The following ZNF736 variants were observed in gnomAD, a reference collection of about 807,000 sequenced individuals.
The protein encoded by ZNF736 is zinc finger protein 736, also known as KRAB-containing zinc-finger repressor protein.
ZNF736 carries 6 observed loss-of-function variants against 11.7 expected under a neutral mutation model. The ratio of observed to expected loss-of-function variants is 0.51; its 90% confidence interval spans 0.28 to 1.01. The LOEUF (loss-of-function observed/expected upper bound fraction) is 1.01, where lower values mean the gene tolerates loss of function less well. Among genes scored for constraint, ZNF736 ranks in the 50% least tolerant of loss-of-function variants. The pLI is 0.09. For synonymous variants in ZNF736, 139 were observed against 164.7 expected (o/e 0.84, Z 1.19); for missense variants, 444 against 496.0 (o/e 0.90, Z 1.00).
At chr7:64,340,515 T>C (rs773080584) in intron 3 of ZNF736, among the ~76,000 whole-genome samples, 7 of 152,184 alleles carry the variant, frequency 4.6e-5, no homozygotes, top group Non-Finnish European at 8.8e-5. Context: ...CAAAATGACT[T>C]CAATCAATCT....
At chr7:64,334,689 G>C (rs1458472924) in intron 1 of ZNF736, among the ~76,000 whole-genome samples, 1 of 152,240 alleles carries the variant, frequency 6.6e-6, no homozygotes, top group Non-Finnish European at 1.5e-5. Context: ...CTGTTGGTGG[G>C]AGTGTAAATT....
intron 1 of ZNF736, among the ~76,000 whole-genome samples, chr7:64,317,573 G>T (rs628162): frequency 0.32 from 49,123 of 151,902 alleles, 9,370 homozygotes; most frequent in South Asian, 0.47. Flanking sequence ...ACAGGTACTG[G>T]CCAAGAAAAT....
Position 64,356,024 on chromosome 7 carries a change from T to A in ZNF736, c.*6877T>A. 1 of 180,102 alleles carries A rather than the reference T, an allele frequency of 5.6e-6. No homozygotes were observed. Among genetic ancestry groups the A allele is most frequent in the Non-Finnish European group, 1.2e-5 (1 of 80,518 alleles). The allele number at this position is 180,102 out of a possible 1,614,324, so 11.2% of individuals were successfully genotyped here. A position where few individuals can be genotyped will look rare whatever the true frequency, so the allele number is the denominator to read the frequency against. On this transcript the variant is annotated 3_prime_UTR_variant, in exon 4 of 4. Transcript: ENST00000423484. ...AACCCACCTTCTGCCAGTAGTAAAA[T>A]CCAGTAAGATTGGTATTCTTTTGGA... is the stretch of plus-strand genomic sequence containing the variant.
chr7:64,319,883 A>G (rs1391586765), intron 1 of ZNF736, among the ~76,000 whole-genome samples: 1 of 152,046 alleles, frequency 6.6e-6, no homozygotes, highest in African/African-American at 2.4e-5. Context: ...GAGATGGGGC[A>G]TTTTTGTTTA....
intron 3 of ZNF736, among the ~76,000 whole-genome samples, chr7:64,338,027 T>C (rs1189853646): frequency 2.0e-5 from 3 of 152,162 alleles, no homozygotes; most frequent in South Asian, 4.1e-4. Flanking sequence ...AATGCTAGGA[T>C]TATAGGTATG....
At position 64,349,496 on chromosome 7, in the gene ZNF736, A is replaced by G. The variant is rs1374912423; in HGVS notation, c.*349A>G. 6 of 177,890 alleles carry G rather than the reference A, an allele frequency of 3.4e-5. No individual in the cohort carries two copies. The highest frequency in any genetic ancestry group is 7.1e-5 in the Non-Finnish European group (6 of 84,744). 11.0% of individuals were successfully genotyped at this position (177,890 alleles called of 1,614,324 possible). The stretch of plus-strand genomic sequence containing the variant: ...ATGGGTGTCTTGATTAAAGCATACC[A>G]TTAGATCTTGATTCTTTTTTCAGCT... On this transcript the variant is annotated 3_prime_UTR_variant, in exon 4 of 4. Coordinates refer to ENST00000423484, the MANE Select transcript of ZNF736 (RefSeq NM_001170905.3).
intron 3 of ZNF736, among the ~76,000 whole-genome samples, chr7:64,341,254 A>G (rs1457571531): frequency 1.3e-5 from 2 of 151,494 alleles, no homozygotes; most frequent in Non-Finnish European, 2.9e-5. Context: ...TAATGCAAAG[A>G]TCTTCTTAAG....
At chr7:64,347,880 C>T (rs1158389446) in intron 3 of ZNF736, among the ~76,000 whole-genome samples, 2 of 152,170 alleles carry the variant, frequency 1.3e-5, no homozygotes, top group African/African-American at 4.8e-5. Flanking sequence ...TGGCGTTTTG[C>T]TCACTTGGTG....
At chr7:64,318,344 T>G (rs1788945684) in intron 1 of ZNF736, among the ~76,000 whole-genome samples, 1 of 151,958 alleles carries the variant, frequency 6.6e-6, no homozygotes, top group Non-Finnish European at 1.5e-5. Flanking sequence ...CGAGTGTAGT[T>G]TCCATAAAGA....
chr7:64,335,807 A>T (rs1369242414), intron 1 of ZNF736, among the ~76,000 whole-genome samples: 1 of 152,230 alleles, frequency 6.6e-6, no homozygotes, highest in African/African-American at 2.4e-5. Flanking sequence ...ACCACTGGCA[A>T]ACTTCTTACA....
chr7:64,340,728 A>G (rs1430175733), intron 3 of ZNF736, among the ~76,000 whole-genome samples: 24 of 152,194 alleles, frequency 1.6e-4, no homozygotes, highest in Non-Finnish European at 2.9e-5. Context: ...GACTCCATGT[A>G]GTAGTTCTTA....
At chr7:64,347,225 T>G (rs1789423691) in intron 3 of ZNF736, among the ~76,000 whole-genome samples, 1 of 142,780 alleles carries the variant, frequency 7.0e-6, no homozygotes, top group Non-Finnish European at 1.5e-5. Context: ...GCCTTTTTTT[T>G]TTTTTTTTTT....
intron 1 of ZNF736, among the ~76,000 whole-genome samples, chr7:64,334,460 C>A (rs1282804273): frequency 6.6e-6 from 1 of 152,074 alleles, no homozygotes; most frequent in Non-Finnish European, 1.5e-5. Flanking sequence ...AAAAAGCAAT[C>A]CCATCAAAAA....
intron 3 of ZNF736, among the ~76,000 whole-genome samples, chr7:64,344,343 A>G (rs1183654361): frequency 6.6e-6 from 1 of 152,218 alleles, no homozygotes; most frequent in Non-Finnish European, 1.5e-5. Context: ...TAATATTTTC[A>G]GTTATATAGT....
chr7:64,347,507 T>G (rs1789428301), intron 3 of ZNF736, among the ~76,000 whole-genome samples: 1 of 152,140 alleles, frequency 6.6e-6, no homozygotes, highest in South Asian at 2.1e-4. Flanking sequence ...ATTACAGGTG[T>G]GAGCCACCAC....
At position 64,356,377 on chromosome 7, in the gene ZNF736, A is replaced by G. The variant is rs1034744219; in HGVS notation, c.*7230A>G. ...TGTCACTTTCATAGATACTATGAAT[A>G]TCAATTGTCAAGTGTGTTGATTTCT... On this transcript the variant is annotated 3_prime_UTR_variant, in exon 4 of 4. Coordinates refer to ENST00000423484, the MANE Select transcript of ZNF736 (RefSeq NM_001170905.3). Among the ~76,000 whole-genome samples the G allele has an allele frequency of 6.6e-6, 1 of 152,206 alleles. No individual in the cohort carries two copies. The highest frequency in any genetic ancestry group is 1.5e-5 in the Non-Finnish European group (1 of 68,034).
rs1375951902 is a variant in ZNF736 at position 64,348,367 on chromosome 7, CAG to C, written c.510_511del (p.Lys171MetfsTer5). The C allele has an allele frequency of 1.9e-6, 3 of 1,551,146 alleles. No homozygotes were observed. The African/African-American group carries it at 4.1e-5, about 21-fold the overall frequency. Reference sequence around the variant, plus strand: ...TCACTGAACATAAAGACATTTTTAGCAGAGAGAAATGCCACAAATGTGAAGAA... The same window carrying C: ...TCACTGAACATAAAGACATTTTTAGCAGAGAAATGCCACAAATGTGAAGAA... ...IFTEHKDIFS[R>X]EKCHKCEECG... is the part of the protein sequence containing the mutation. On this transcript the variant is annotated frameshift_variant, in exon 4 of 4. Transcript: ENST00000423484. LOFTEE classifies it low-confidence loss of function (END_TRUNC).
chr7:64,354,414 T>C lies in ZNF736; in HGVS notation c.*5267T>C, dbSNP rs898314613. On this transcript the variant is annotated 3_prime_UTR_variant, in exon 4 of 4. Coordinates refer to ENST00000423484, the MANE Select transcript of ZNF736 (RefSeq NM_001170905.3). ...AAAGAAAAATATTAGAATGAACAGA[T>C]AATTTTACAAGTGTTGATCACTTAC... The C allele has an allele frequency of 5.9e-5, 9 of 152,210 alleles. No individual in the cohort carries two copies. The highest frequency in any genetic ancestry group is 8.8e-5 in the Non-Finnish European group (6 of 68,010). 9.4% of individuals were successfully genotyped at this position (152,210 alleles called of 1,614,324 possible).
chr7:64,316,301 A>AT (rs1207639644), intron 1 of ZNF736, among the ~76,000 whole-genome samples: 1 of 151,938 alleles, frequency 6.6e-6, no homozygotes, highest in African/African-American at 2.4e-5. Flanking sequence ...TAACATTAAG[A>AT]TTTTTTTCCC....
Sources: gnomAD v4.1 joint callset for allele counts (sites outside exome capture counted in the v4.1 genomes callset) on GRCh38, gnomAD v4.1.1 for gene constraint, MANE v1.5 for transcripts, NCBI Gene and HGNC (gene_info 2026-07-23, HGNC 2026-07-21) for gene names.